TMOD1: variants seen among roughly 807,000 people sequenced by gnomAD.
The protein encoded by TMOD1 is tropomodulin-1.
In TMOD1, 17 loss-of-function variants were observed where a neutral mutation model predicts 40.6. The ratio of observed to expected loss-of-function variants is 0.42; its 90% confidence interval spans 0.29 to 0.63. The LOEUF is 0.63. Among genes scored for constraint, TMOD1 ranks in the 20% least tolerant of loss-of-function variants. The pLI is 0.22. For synonymous variants in TMOD1, 181 were observed against 175.0 expected, an observed-to-expected ratio of 1.03 and a Z score of -0.27; for missense variants, 391 against 447.6, an observed-to-expected ratio of 0.87 and a Z score of 1.14.
chr9:97,577,116 C>T (rs1342355582), intron 8 of TMOD1, among the ~76,000 whole-genome samples: 3 of 149,130 alleles, frequency 2.0e-5, no homozygotes, highest in Non-Finnish European at 4.4e-5. Context: ...AGTTCTTTCC[C>T]AACCATCCTG....
At chr9:97,586,253 A>G (rs1227654318) in intron 8 of TMOD1, among the ~76,000 whole-genome samples, 1 of 152,190 alleles carries the variant, frequency 6.6e-6, no homozygotes. Flanking sequence ...GGTCTGTTGG[A>G]AAACCCTGCT....
intron 2 of TMOD1, among the ~76,000 whole-genome samples, chr9:97,534,198 C>G (rs4490960): frequency 0.035 from 5,344 of 152,238 alleles, 158 homozygotes; most frequent in African/African-American, 0.08. Flanking sequence ...ATCTGAGCAG[C>G]CAAGAGCTCA....
At chr9:97,564,987 A>G (rs1830705671) in intron 6 of TMOD1, among the ~76,000 whole-genome samples, 1 of 151,984 alleles carries the variant, frequency 6.6e-6, no homozygotes, top group Admixed American at 6.6e-5. Flanking sequence ...CCTAGTGTTC[A>G]CCCCCACCTG....
At chr9:97,599,217 A>G (rs548318716) in intron 9 of TMOD1, among the ~76,000 whole-genome samples, 1 of 152,372 alleles carries the variant, frequency 6.6e-6, no homozygotes, top group South Asian at 2.1e-4. Context: ...TATAGGCAGG[A>G]GGTAGGCCAG....
intron 9 of TMOD1, among the ~76,000 whole-genome samples, chr9:97,593,087 A>G (rs1398328417): frequency 6.6e-6 from 1 of 152,218 alleles, no homozygotes; most frequent in East Asian, 1.9e-4. Flanking sequence ...TTTCTATTCT[A>G]TATGCAATAA....
At chr9:97,585,959 C>T (rs906603275) in intron 8 of TMOD1, among the ~76,000 whole-genome samples, 15 of 149,122 alleles carry the variant, frequency 1.0e-4, no homozygotes, top group African/African-American at 1.8e-4. Flanking sequence ...AATGTCCTCC[C>T]GTAGCTCAGA....
intron 1 of TMOD1, among the ~76,000 whole-genome samples, chr9:97,521,168 A>G (rs182780367): frequency 6.6e-6 from 1 of 152,128 alleles, no homozygotes. Flanking sequence ...TGTTTTCCAA[A>G]CTTGGTTTTG....
intron 2 of TMOD1, among the ~76,000 whole-genome samples, chr9:97,528,235 A>ACGGT (rs1027275038): frequency 3.4e-4 from 51 of 152,144 alleles, no homozygotes; most frequent in African/African-American, 1.2e-3. Context: ...CAACTTGCTG[A>ACGGT]CGGTCGCAGG....
intron 1 of TMOD1, among the ~76,000 whole-genome samples, chr9:97,504,673 C>T (rs1185117454): frequency 2.0e-5 from 3 of 152,138 alleles, no homozygotes; most frequent in South Asian, 2.1e-4. Flanking sequence ...CCAGTATCTG[C>T]GATGGAGGAT....
chr9:97,571,333 T>C (rs1830814641), intron 8 of TMOD1, among the ~76,000 whole-genome samples: 1 of 152,216 alleles, frequency 6.6e-6, no homozygotes, highest in South Asian at 2.1e-4. Context: ...ATGCTAACCA[T>C]TGCCCTTACC....
chr9:97,510,355 C>T (rs540079598), intron 1 of TMOD1, among the ~76,000 whole-genome samples: 2 of 152,174 alleles, frequency 1.3e-5, no homozygotes, highest in Admixed American at 1.3e-4. Flanking sequence ...CTCATCCTCC[C>T]GAGTAGCTGG....
intron 4 of TMOD1, among the ~76,000 whole-genome samples, chr9:97,556,001 G>T (rs1379937400): frequency 6.6e-6 from 1 of 151,998 alleles, no homozygotes. Context: ...CCGGGGAGGG[G>T]GTCACATTAG....
chr9:97,527,855 C>G (rs1199081519), intron 2 of TMOD1, among the ~76,000 whole-genome samples: 1 of 152,182 alleles, frequency 6.6e-6, no homozygotes, highest in African/African-American at 2.4e-5. Context: ...CCTGAGGGCC[C>G]TGCAGGCCTT....
At chr9:97,558,536 C>T (rs1355104982) in intron 4 of TMOD1, among the ~76,000 whole-genome samples, 1 of 152,110 alleles carries the variant, frequency 6.6e-6, no homozygotes, top group Non-Finnish European at 1.5e-5. Context: ...CTCCACCTCC[C>T]AGGTTCAAGC....
At chr9:97,552,111 T>C (rs1014385289) in intron 3 of TMOD1, among the ~76,000 whole-genome samples, 6 of 152,246 alleles carry the variant, frequency 3.9e-5, no homozygotes, top group Non-Finnish European at 7.3e-5. Flanking sequence ...CATAAGATTA[T>C]GTCTTCTACA....
At chr9:97,562,315 G>A (rs538894851) in intron 4 of TMOD1, among the ~76,000 whole-genome samples, 17 of 152,354 alleles carry the variant, frequency 1.1e-4, no homozygotes, top group Admixed American at 9.1e-4. Context: ...GATGGGATGG[G>A]AGGGGGACAG....
chr9:97,547,170 C>G (rs912926101), intron 3 of TMOD1, among the ~76,000 whole-genome samples: 3 of 152,120 alleles, frequency 2.0e-5, no homozygotes, highest in Non-Finnish European at 4.4e-5. Flanking sequence ...GCCTCCCTGA[C>G]CATCCATTCT....
intron 1 of TMOD1, among the ~76,000 whole-genome samples, chr9:97,518,155 C>G (rs1199630867): frequency 6.6e-6 from 1 of 152,214 alleles, no homozygotes; most frequent in African/African-American, 2.4e-5. Context: ...CCCAAAAAAG[C>G]TGCACCTGTG....
At chr9:97,590,793 A>G (rs906435582) in intron 8 of TMOD1, among the ~76,000 whole-genome samples, 3 of 151,708 alleles carry the variant, frequency 2.0e-5, no homozygotes, top group African/African-American at 4.8e-5. Flanking sequence ...CTGGGCCTCA[A>G]TTTTTTCATT....
Sources: allele counts gnomAD v4.1 joint callset (sites outside exome capture counted in the v4.1 genomes callset), GRCh38; gene constraint gnomAD v4.1.1; transcripts MANE v1.5; gene names NCBI Gene and HGNC (gene_info 2026-07-23, HGNC 2026-07-21).